The following FNBP1L variants were observed in gnomAD, a reference collection of about 807,000 sequenced individuals.
The protein encoded by FNBP1L is formin-binding protein 1-like.
FNBP1L carries 36 observed loss-of-function variants against 91.2 expected under a neutral mutation model. That is an observed-to-expected ratio of 0.39 (90% confidence interval 0.30 to 0.52). The LOEUF (loss-of-function observed/expected upper bound fraction) is 0.52, where lower values mean the gene tolerates loss of function less well. Among genes scored for constraint, FNBP1L ranks in the 20% least tolerant of loss-of-function variants. The pLI is 0.66. For missense variants in FNBP1L, 571 were observed against 732.1 expected (o/e 0.78, Z 2.54); for synonymous variants, 242 against 237.0 (o/e 1.02, Z -0.19).
At chr1:93,527,655 G>A (rs1321140349) in intron 5 of FNBP1L, among the ~76,000 whole-genome samples, 1 of 152,096 alleles carries the variant, frequency 6.6e-6, no homozygotes, top group Non-Finnish European at 1.5e-5. Context: ...CCCTGGCCAT[G>A]TCACCCTAGA....
At chr1:93,460,968 T>C (rs1331750861) in intron 1 of FNBP1L, among the ~76,000 whole-genome samples, 2 of 152,236 alleles carry the variant, frequency 1.3e-5, no homozygotes, top group Non-Finnish European at 2.9e-5. Context: ...AAATAGGTTT[T>C]TTATGTTTAG....
intron 1 of FNBP1L, among the ~76,000 whole-genome samples, chr1:93,460,452 G>A (rs1408647051): frequency 6.6e-6 from 1 of 152,194 alleles, no homozygotes; most frequent in East Asian, 1.9e-4. Flanking sequence ...CAGCACAAAT[G>A]GGACTGAAAC....
At chr1:93,497,509 T>C (rs1469521677) in intron 1 of FNBP1L, among the ~76,000 whole-genome samples, 3 of 152,128 alleles carry the variant, frequency 2.0e-5, no homozygotes, top group Non-Finnish European at 2.9e-5. Context: ...AAACTAGATA[T>C]CATAGTTTAG....
chr1:93,554,380 C>G lies in FNBP1L; in HGVS notation c.*1964C>G, dbSNP rs1362506309. ...TCTTTTCAAGCTACTGTTTGTTTTT[C>G]TAAAAGCAGGATTTGCTTCCGTAGG... On this transcript the variant is annotated 3_prime_UTR_variant, in exon 17 of 17. Transcript: ENST00000271234. 2 of 152,552 alleles carry G rather than the reference C, an allele frequency of 1.3e-5. No homozygotes were observed. The highest frequency in any genetic ancestry group is 4.8e-5 in the African/African-American group (2 of 41,416). 9.4% of individuals were successfully genotyped at this position (152,552 alleles called of 1,614,324 possible). A position where few individuals can be genotyped will look rare whatever the true frequency, so the allele number is the denominator to read the frequency against.
chr1:93,450,803 A>C (rs1303302223), intron 1 of FNBP1L, among the ~76,000 whole-genome samples: 1 of 152,146 alleles, frequency 6.6e-6, no homozygotes, highest in Non-Finnish European at 1.5e-5. Flanking sequence ...CTTAAACCTG[A>C]GTCTGTTTCT....
chr1:93,548,319 A>T (rs1343187642), intron 14 of FNBP1L, among the ~76,000 whole-genome samples: 2 of 152,194 alleles, frequency 1.3e-5, no homozygotes, highest in African/African-American at 4.8e-5. Flanking sequence ...CTAATTCTGT[A>T]AAATTTTCCA....
rs1458698365 is a variant in FNBP1L, at chr1:93,552,680, T to C, written c.*264T>C. The C allele has an allele frequency of 5.3e-6, 2 of 378,426 alleles. No individual in the cohort carries two copies. The highest frequency in any genetic ancestry group is 9.4e-6 in the Non-Finnish European group (2 of 213,902). The allele number at this position is 378,426 out of a possible 1,614,324, so 23.4% of individuals were successfully genotyped here. A position where few individuals can be genotyped will look rare whatever the true frequency, so the allele number is the denominator to read the frequency against. ...CAATAGTGTACCATTTTTCTATTTA[T>C]TTTATTGCTGTCTAATCAATAAAGA... On this transcript the variant is annotated 3_prime_UTR_variant, in exon 17 of 17. Transcript: ENST00000271234.
intron 12 of FNBP1L, among the ~76,000 whole-genome samples, chr1:93,546,619 C>T (rs1299079105): frequency 2.0e-5 from 3 of 152,060 alleles, no homozygotes; most frequent in Admixed American, 6.6e-5. Flanking sequence ...AAGAAATGAA[C>T]TCTGTTCTCT....
At chr1:93,467,701 G>A (rs1157403867) in intron 1 of FNBP1L, among the ~76,000 whole-genome samples, 2 of 152,184 alleles carry the variant, frequency 1.3e-5, no homozygotes, top group African/African-American at 2.4e-5. Context: ...TTTGAGGCCC[G>A]GAGTTTGAGG....
At chr1:93,509,797 G>A (rs1207623023) in intron 2 of FNBP1L, among the ~76,000 whole-genome samples, 8 of 152,226 alleles carry the variant, frequency 5.3e-5, no homozygotes, top group African/African-American at 1.2e-4. Context: ...TGCCTCACTC[G>A]GGAAGCGCAA....
chr1:93,465,621 GGTTCCAA>G (rs1669048972), intron 1 of FNBP1L, among the ~76,000 whole-genome samples: 1 of 152,148 alleles, frequency 6.6e-6, no homozygotes, highest in Non-Finnish European at 1.5e-5. Flanking sequence ...CATTTGGGTT[GGTTCCAA>G]GTCTTTGCTA....
intron 5 of FNBP1L, 76 bp from the exon 6 acceptor site, chr1:93,529,576 G>A (rs1041054297): frequency 1.6e-5 from 14 of 869,340 alleles, no homozygotes; most frequent in Middle Eastern, 3.1e-4. Context: ...TTCTCCTAAT[G>A]CTCTCTAAAG....
intron 1 of FNBP1L, 106 bp from the exon 2 acceptor site, chr1:93,499,362 C>G (rs906478743): frequency 6.9e-6 from 5 of 727,342 alleles, no homozygotes; most frequent in Non-Finnish European, 9.4e-6. Context: ...CTGGGTTTTT[C>G]CTTTTATACC....
chr1:93,551,361 C>T lies in FNBP1L; in HGVS notation c.1810+256C>T, dbSNP rs1672408943. 13 of 1,124,434 alleles carry T rather than the reference C, an allele frequency of 1.2e-5. No homozygotes were observed. In the Middle Eastern group the frequency reaches 1.1e-3, roughly 99 times the overall value. 69.7% of individuals were successfully genotyped at this position (1,124,434 alleles called of 1,614,324 possible). A position where few individuals can be genotyped will look rare whatever the true frequency, so the allele number is the denominator to read the frequency against. On this transcript the variant is annotated intron_variant, in intron 16 of 16. Transcript: ENST00000271234. ...TAATTGATGCCTTTTGCTTTATGTC[C>T]CGCTTAAGTCTGTGTGAAGGATTTG...
intron 1 of FNBP1L, among the ~76,000 whole-genome samples, chr1:93,497,709 T>C (rs1670314054): frequency 6.6e-6 from 1 of 152,166 alleles, no homozygotes; most frequent in South Asian, 2.1e-4. Flanking sequence ...AACCTCCGCC[T>C]CCTGGGTTCA....
intron 2 of FNBP1L, among the ~76,000 whole-genome samples, chr1:93,516,015 AATC>A (rs1671093018): frequency 1.3e-5 from 2 of 152,248 alleles, no homozygotes; most frequent in Admixed American, 6.5e-5. Context: ...ATTATATAAA[AATC>A]ATCAGTTATT....
At chr1:93,469,095 T>A (rs1394014893) in intron 1 of FNBP1L, among the ~76,000 whole-genome samples, 3 of 152,164 alleles carry the variant, frequency 2.0e-5, no homozygotes, top group Non-Finnish European at 4.4e-5. Flanking sequence ...CTTTTTTTTT[T>A]ATATTTATAC....
Position 93,479,550 on chromosome 1 carries a change from A to G in FNBP1L, c.25-19918A>G, listed in dbSNP as rs141357940. Among the ~76,000 whole-genome samples, 74 of 152,206 alleles carry G rather than the reference A, an allele frequency of 4.9e-4. 1 individual carries two copies. Among genetic ancestry groups the G allele is most frequent in the Admixed American group, 3.6e-3 (55 of 15,286 alleles). On this transcript the variant is annotated intron_variant, in intron 1 of 16. Transcript: ENST00000271234. Reference sequence around the variant, plus strand: ...TATTTCAGTCCTTATCTCAACCACTAAGAAAGGCTCTAAGACAGGCACTCC... The same window carrying G: ...TATTTCAGTCCTTATCTCAACCACTGAGAAAGGCTCTAAGACAGGCACTCC...
intron 2 of FNBP1L, among the ~76,000 whole-genome samples, chr1:93,506,385 A>C (rs1670612859): frequency 6.6e-6 from 1 of 152,072 alleles, no homozygotes; most frequent in East Asian, 1.9e-4. Context: ...ACTGGCCTCA[A>C]AGCTGTGTCA....
Sources: allele counts gnomAD v4.1 joint callset (sites outside exome capture counted in the v4.1 genomes callset), GRCh38; gene constraint gnomAD v4.1.1; transcripts MANE v1.5; gene names NCBI Gene and HGNC (gene_info 2026-07-23, HGNC 2026-07-21).